Variants in PCDH15 observed in about 807,000 individuals in gnomAD.
PCDH15 encodes the protein protocadherin-15.
PCDH15 carries 129 observed loss-of-function variants against 178.5 expected under a neutral mutation model. The ratio of observed to expected loss-of-function variants is 0.72; its 90% CI spans 0.63 to 0.84. PCDH15 has a LOEUF of 0.84. Among genes scored for constraint, PCDH15 ranks in the 40% least tolerant of loss-of-function variants. The pLI is 0.00. For missense variants in PCDH15, 2,230 were observed against 2,099.9 expected, an observed-to-expected ratio of 1.06 and a Z score of -1.21; for synonymous variants, 800 against 732.0, an observed-to-expected ratio of 1.09 and a Z score of -1.50.
At chr10:53,825,156 G>A (rs1363338068) in intron 32 of PCDH15, 1 of 1,532,970 alleles carries the variant, frequency 6.5e-7, no homozygotes, top group South Asian at 1.3e-5. Flanking sequence ...GTATCCACAG[G>A]TGAGAAACAG....
chr10:54,818,350 C>T (rs1464107359), intron 3 of PCDH15, among the ~76,000 whole-genome samples: 1 of 152,022 alleles, frequency 6.6e-6, no homozygotes, highest in Non-Finnish European at 1.5e-5. Context: ...GACTAGATGG[C>T]CACATCCGTA....
At chr10:55,219,316 C>T (rs1840801178) in intron 1 of PCDH15, among the ~76,000 whole-genome samples, 1 of 151,890 alleles carries the variant, frequency 6.6e-6, no homozygotes, top group African/African-American at 2.4e-5. Context: ...ATTGTGCCTT[C>T]TTTCATCTCA....
intron 26 of PCDH15, among the ~76,000 whole-genome samples, chr10:53,878,215 A>AATATATATATATAT (rs140273411): frequency 1.0e-4 from 13 of 127,450 alleles, no homozygotes; most frequent in East Asian, 4.5e-4. Context: ...ACACACTTTG[A>AATATATATATATAT]ATATATATAT....
upstream of PCDH15, among the ~76,000 whole-genome samples, chr10:55,320,653 G>C (rs1227616168): frequency 2.6e-5 from 4 of 152,038 alleles, no homozygotes; most frequent in Non-Finnish European, 5.9e-5. Flanking sequence ...ACCCCCCCCA[G>C]AATTAGAGTA....
At chr10:54,332,334 A>AGAT (rs1939921467) in intron 6 of PCDH15, among the ~76,000 whole-genome samples, 1 of 58,632 alleles carries the variant, frequency 1.7e-5, no homozygotes, top group Non-Finnish European at 4.6e-5. Context: ...TCTATATTAT[A>AGAT]TATTATTATA....
intron 3 of PCDH15, among the ~76,000 whole-genome samples, chr10:54,518,820 C>T (rs1456582166): frequency 6.6e-6 from 1 of 152,166 alleles, no homozygotes; most frequent in Non-Finnish European, 1.5e-5. Context: ...CAATAAAATA[C>T]TGGCAAACCA....
intron 2 of PCDH15, among the ~76,000 whole-genome samples, chr10:54,898,407 AATTT>A (rs1239483623): frequency 6.6e-6 from 1 of 152,124 alleles, no homozygotes; most frequent in Non-Finnish European, 1.5e-5. Context: ...AAAAAACTAT[AATTT>A]ATTATGTTGG....
chr10:55,464,605 T>A (rs1839788012), intron 2 of PCDH15, among the ~76,000 whole-genome samples: 1 of 148,216 alleles, frequency 6.7e-6, no homozygotes, highest in Non-Finnish European at 1.5e-5. Context: ...AAAAATGGCC[T>A]AAAACAGTAA....
At chr10:54,930,244 T>C (rs1564638503) in intron 2 of PCDH15, among the ~76,000 whole-genome samples, 1 of 152,202 alleles carries the variant, frequency 6.6e-6, no homozygotes, top group Non-Finnish European at 1.5e-5. Flanking sequence ...TCACTCACTG[T>C]GTAAATGTCC....
At chr10:54,398,157 T>G (rs967840843) in intron 3 of PCDH15, among the ~76,000 whole-genome samples, 8 of 151,870 alleles carry the variant, frequency 5.3e-5, no homozygotes, top group Non-Finnish European at 5.9e-5. Context: ...TTGCCTGTCT[T>G]TAAGATTTTA....
chr10:53,938,554 C>T (rs907148105), intron 25 of PCDH15, among the ~76,000 whole-genome samples: 1 of 152,082 alleles, frequency 6.6e-6, no homozygotes, highest in Non-Finnish European at 1.5e-5. Context: ...ATTTAACATA[C>T]ACAGACAATG....
At chr10:54,211,844 A>C (rs1186129396) in intron 10 of PCDH15, among the ~76,000 whole-genome samples, 1 of 152,128 alleles carries the variant, frequency 6.6e-6, no homozygotes, top group Non-Finnish European at 1.5e-5. Flanking sequence ...CACAATACTC[A>C]GTTATTATTC....
intron 2 of PCDH15, among the ~76,000 whole-genome samples, chr10:55,570,254 G>A (rs117777948): frequency 0.019 from 2,924 of 152,022 alleles, 44 homozygotes; most frequent in Non-Finnish European, 0.029. Context: ...CAGCCAACAA[G>A]AAGTAGAAAG....
chr10:54,235,936 T>C (rs889714560), intron 9 of PCDH15, among the ~76,000 whole-genome samples: 1 of 152,188 alleles, frequency 6.6e-6, no homozygotes, highest in Non-Finnish European at 1.5e-5. Flanking sequence ...GAAACAGAAT[T>C]GCTTGAATTT....
intron 2 of PCDH15, among the ~76,000 whole-genome samples, chr10:54,635,202 A>C (rs1420516890): frequency 6.6e-6 from 1 of 151,214 alleles, no homozygotes; most frequent in Non-Finnish European, 1.5e-5. Flanking sequence ...TAATTTATTC[A>C]TTCCTGGACT....
chr10:54,256,211 A>G (rs896689140), intron 8 of PCDH15, among the ~76,000 whole-genome samples: 1 of 152,154 alleles, frequency 6.6e-6, no homozygotes, highest in Non-Finnish European at 1.5e-5. Context: ...GCCTCTGGAG[A>G]AGATGGTCAG....
chr10:55,434,821 G>T (rs972197094), intron 2 of PCDH15, among the ~76,000 whole-genome samples: 9 of 152,136 alleles, frequency 5.9e-5, no homozygotes, highest in Middle Eastern at 3.4e-3. Context: ...GGCCAGGCTG[G>T]TCTTGAACTC....
chr10:55,399,654 A>C (rs1240195240), intron 2 of PCDH15, among the ~76,000 whole-genome samples: 2 of 152,154 alleles, frequency 1.3e-5, no homozygotes, highest in East Asian at 3.9e-4. Flanking sequence ...AGTGGAATCA[A>C]GAAAATGGAT....
intron 2 of PCDH15, among the ~76,000 whole-genome samples, chr10:55,411,569 G>T (rs1004386587): frequency 3.9e-5 from 6 of 152,040 alleles, no homozygotes; most frequent in African/African-American, 1.4e-4. Flanking sequence ...CTATGAAAAT[G>T]CATTAAGATG....
Sources: gnomAD v4.1 joint callset for allele counts (sites outside exome capture counted in the v4.1 genomes callset) on GRCh38, gnomAD v4.1.1 for gene constraint, MANE v1.5 for transcripts, NCBI Gene and HGNC (gene_info 2026-07-23, HGNC 2026-07-21) for gene names.